Variants in EPHA3 observed in about 807,000 individuals in gnomAD.
EPHA3 encodes EPH receptor A3.
In EPHA3, 42 loss-of-function variants were observed where a neutral mutation model predicts 107.1. The observed-to-expected ratio is 0.39, with a 90% CI of 0.31 to 0.51. The LOEUF is 0.51. Among genes scored for constraint, EPHA3 ranks in the 20% least tolerant of loss-of-function variants. The pLI is 0.78. For missense variants in EPHA3, 1,183 were observed against 1,211.2 expected, an observed-to-expected ratio of 0.98 and a Z score of 0.35; for synonymous variants, 461 against 424.8, an observed-to-expected ratio of 1.09 and a Z score of -1.05.
At chr3:89,108,525 T>G (rs189298501) in intron 1 of EPHA3, among the ~76,000 whole-genome samples, 59 of 152,372 alleles carry the variant, frequency 3.9e-4, no homozygotes, top group Non-Finnish European at 7.8e-4. Context: ...AGAATGTATT[T>G]AATGAATAGT....
chr3:89,470,063 GATTAA>G (rs1430065478), intron 15 of EPHA3, among the ~76,000 whole-genome samples: 1 of 151,244 alleles, frequency 6.6e-6, no homozygotes, highest in African/African-American at 2.4e-5. Flanking sequence ...ATTAAATAAA[GATTAA>G]ATTATATATA....
chr3:89,399,822 G>T (rs1446298271), intron 7 of EPHA3: 1 of 1,097,200 alleles, frequency 9.1e-7, no homozygotes. Context: ...CAGGTTCATT[G>T]CGTGATTCAA....
intron 3 of EPHA3, among the ~76,000 whole-genome samples, chr3:89,281,687 C>T (rs964247718): frequency 6.6e-6 from 1 of 152,132 alleles, no homozygotes; most frequent in Non-Finnish European, 1.5e-5. Context: ...GGAGATACAG[C>T]TTTGTTCTAT....
intron 5 of EPHA3, among the ~76,000 whole-genome samples, chr3:89,389,625 T>G (rs550777033): frequency 1.4e-4 from 22 of 152,310 alleles, no homozygotes; most frequent in Admixed American, 6.5e-4. Context: ...ACTTCCTGAT[T>G]TTAAGGAAGG....
At chr3:89,189,770 C>A (rs1705660010) in intron 2 of EPHA3, among the ~76,000 whole-genome samples, 3 of 152,122 alleles carry the variant, frequency 2.0e-5, no homozygotes, top group South Asian at 4.1e-4. Flanking sequence ...TTCACATTAT[C>A]TATTTTTTAA....
intron 2 of EPHA3, among the ~76,000 whole-genome samples, chr3:89,183,178 G>T (rs191723602): frequency 3.5e-4 from 53 of 152,036 alleles, no homozygotes; most frequent in African/African-American, 1.1e-3. Context: ...TTCATAGATA[G>T]CTACAGATTT....
chr3:89,446,476 A>G (rs1477549358), intron 13 of EPHA3, among the ~76,000 whole-genome samples: 1 of 152,188 alleles, frequency 6.6e-6, no homozygotes, highest in Non-Finnish European at 1.5e-5. Context: ...AAAATGGTGA[A>G]GAAACACTTA....
chr3:89,396,022 G>A (rs1159314923), intron 6 of EPHA3, 61 bp downstream of exon 6: 3 of 1,585,670 alleles, frequency 1.9e-6, no homozygotes, highest in Non-Finnish European at 2.6e-6. Flanking sequence ...CTCATGAGCT[G>A]TGCTCTTGCA....
chr3:89,328,890 A>T (rs76056876), intron 3 of EPHA3, among the ~76,000 whole-genome samples: 23,926 of 152,006 alleles, frequency 0.16, 2,032 homozygotes, highest in Middle Eastern at 0.26. Flanking sequence ...CTCCAGGTAC[A>T]TCGTTCTGGA....
intron 7 of EPHA3, among the ~76,000 whole-genome samples, chr3:89,404,088 C>G (rs1176529136): frequency 1.3e-5 from 2 of 152,142 alleles, no homozygotes; most frequent in Admixed American, 1.3e-4. Flanking sequence ...CCGAAAGCCT[C>G]ACACCCTCAT....
chr3:89,131,447 AATTG>A (rs1482895519), intron 2 of EPHA3, among the ~76,000 whole-genome samples: 2 of 152,166 alleles, frequency 1.3e-5, no homozygotes, highest in African/African-American at 2.4e-5. Flanking sequence ...ATTGTACTTA[AATTG>A]ATTGATTGAT....
chr3:89,449,115 A>G (rs772976940), intron 13 of EPHA3, 110 bp from the exon 14 acceptor site: 13 of 1,095,198 alleles, frequency 1.2e-5, no homozygotes, highest in Non-Finnish European at 1.6e-5. Context: ...TGCATATTCC[A>G]TTTCAGAACA....
intron 3 of EPHA3, among the ~76,000 whole-genome samples, chr3:89,250,578 T>G (rs747222073): frequency 1.3e-5 from 2 of 152,168 alleles, no homozygotes; most frequent in Non-Finnish European, 2.9e-5. Flanking sequence ...TCTTGGTTAC[T>G]TTCTGTTCTT....
intron 2 of EPHA3, among the ~76,000 whole-genome samples, chr3:89,135,869 G>A (rs967911307): frequency 6.6e-6 from 1 of 151,606 alleles, no homozygotes; most frequent in African/African-American, 2.4e-5. Context: ...GCAAATCATA[G>A]AACTGTTTAA....
At chr3:89,354,080 AT>A (rs1456668793) in intron 5 of EPHA3, among the ~76,000 whole-genome samples, 3 of 151,348 alleles carry the variant, frequency 2.0e-5, no homozygotes, top group Non-Finnish European at 4.4e-5. Flanking sequence ...TGTTAACTAT[AT>A]TCCCCCAAGG....
At chr3:89,477,489 T>A (rs1710540044) in intron 16 of EPHA3, among the ~76,000 whole-genome samples, 1 of 152,170 alleles carries the variant, frequency 6.6e-6, no homozygotes, top group Non-Finnish European at 1.5e-5. Context: ...TACCTATTGT[T>A]TTCTTGAACA....
At chr3:89,379,259 G>A (rs1238182158) in intron 5 of EPHA3, among the ~76,000 whole-genome samples, 4 of 152,172 alleles carry the variant, frequency 2.6e-5, no homozygotes. Context: ...AGACTGAGAA[G>A]TATTAGTAAA....
chr3:89,444,096 G>A (rs999941348), intron 13 of EPHA3, among the ~76,000 whole-genome samples: 6 of 152,104 alleles, frequency 3.9e-5, no homozygotes, highest in Admixed American at 1.3e-4. Context: ...AATGTGTATT[G>A]TTTATGGAGA....
At chr3:89,438,233 G>T (rs939630809) in intron 13 of EPHA3, among the ~76,000 whole-genome samples, 81 of 151,640 alleles carry the variant, frequency 5.3e-4, no homozygotes, top group African/African-American at 1.8e-3. Flanking sequence ...CTCAGCCTCC[G>T]GAGTAGCTGG....
Sources: gnomAD v4.1 joint callset for allele counts (sites outside exome capture counted in the v4.1 genomes callset) on GRCh38, gnomAD v4.1.1 for gene constraint, MANE v1.5 for transcripts, NCBI Gene and HGNC (gene_info 2026-07-23, HGNC 2026-07-21) for gene names.